LHPP: variants seen among roughly 807,000 people sequenced by gnomAD.
LHPP encodes the protein phospholysine phosphohistidine inorganic pyrophosphate phosphatase.
In LHPP, 24 loss-of-function variants were observed where a neutral mutation model predicts 30.3. That is an observed-to-expected ratio of 0.79 (90% confidence interval 0.57 to 1.11). The LOEUF (loss-of-function observed/expected upper bound fraction) is 1.11, where lower values mean the gene tolerates loss of function less well. Ranked by LOEUF, LHPP falls within the 50% of genes most tolerant of loss-of-function variation. The probability of loss-of-function intolerance (pLI) is 0.00; values close to 1 mark genes in which losing one functional copy is unlikely to be tolerated. For synonymous variants in LHPP, 150 were observed against 157.1 expected (o/e 0.95, Z 0.34); for missense variants, 356 against 367.2 (o/e 0.97, Z 0.25).
chr10:124,481,172 A>C (rs535470906), intron 1 of LHPP, among the ~76,000 whole-genome samples: 18 of 152,154 alleles, frequency 1.2e-4, no homozygotes, highest in African/African-American at 3.1e-4. Context: ...AATTGCGTAA[A>C]TCAGATGATT....
chr10:124,500,664 T>C (rs1421868527), intron 5 of LHPP, among the ~76,000 whole-genome samples: 1 of 151,714 alleles, frequency 6.6e-6, no homozygotes, highest in Non-Finnish European at 1.5e-5. Flanking sequence ...ATATCATCAT[T>C]CATCAGGAAA....
At chr10:124,501,387 A>C (rs984780085) in intron 5 of LHPP, among the ~76,000 whole-genome samples, 1 of 151,734 alleles carries the variant, frequency 6.6e-6, no homozygotes, top group African/African-American at 2.4e-5. Context: ...GAATCACTTG[A>C]GGTCAGGAGT....
intron 2 of LHPP, among the ~76,000 whole-genome samples, chr10:124,486,923 A>G (rs1289607238): frequency 6.6e-6 from 1 of 152,244 alleles, no homozygotes; most frequent in Non-Finnish European, 1.5e-5. Flanking sequence ...AGTCCTGAAG[A>G]CAGGCCTTTT....
intron 6 of LHPP, among the ~76,000 whole-genome samples, chr10:124,601,265 C>T (rs1344925891): frequency 5.3e-5 from 8 of 152,204 alleles, no homozygotes; most frequent in Admixed American, 5.2e-4. Flanking sequence ...GAAGCAGCTG[C>T]CGCGTCACAC....
intron 6 of LHPP, among the ~76,000 whole-genome samples, chr10:124,545,267 A>C (rs1165161952): frequency 6.6e-6 from 1 of 152,126 alleles, no homozygotes; most frequent in African/African-American, 2.4e-5. Flanking sequence ...CCTCGTCTGG[A>C]AAGTGGGGGT....
At chr10:124,560,687 G>A (rs77839645) in intron 6 of LHPP, among the ~76,000 whole-genome samples, 9,806 of 152,220 alleles carry the variant, frequency 0.064, 416 homozygotes, top group East Asian at 0.12. Context: ...GGGGACGAGG[G>A]GCTGGAGCCT....
rs920330959 is a variant in LHPP at position 124,590,274 on chromosome 10, A to G, written c.717-22990A>G. On this transcript the variant is annotated intron_variant, in intron 6 of 6. Coordinates refer to ENST00000368842, the MANE Select transcript of LHPP (RefSeq NM_022126.4). This position sits in a 1 kb window ranked among gnomAD's most constrained non-coding sequence, Gnocchi z 4.3. Reference sequence around the variant, plus strand: ...GGCTTTGGTTGAGGTCTGCAAAGGAAAGCACCCCCACTGCCAGGCTGCTCA... The same window carrying G: ...GGCTTTGGTTGAGGTCTGCAAAGGAGAGCACCCCCACTGCCAGGCTGCTCA... 6.6e-6 allele frequency among the ~76,000 whole-genome samples: 1 copy of G among 151,940 alleles called. No homozygotes were observed. The highest frequency in any genetic ancestry group is 2.4e-5 in the African/African-American group (1 of 41,358).
At chr10:124,487,282 C>CTCTGTA (rs1466386192) in intron 2 of LHPP, among the ~76,000 whole-genome samples, 33 of 152,088 alleles carry the variant, frequency 2.2e-4, no homozygotes, top group Admixed American at 9.2e-4. Context: ...AAAATTCTGC[C>CTCTGTA]AGACCTTTTT....
chr10:124,507,035 GA>G lies in LHPP; in HGVS notation c.624+8908del, dbSNP rs1279965950. On this transcript the variant is annotated intron_variant, in intron 5 of 6. Transcript: ENST00000368842. ...TCGGGGGGTAGACAGGATTTCAGGT[GA>G]GGGGGGTAGGGAGGATTTCAGGTGT... is the stretch of plus-strand genomic sequence containing the variant. Among the ~76,000 whole-genome samples the G allele has an allele frequency of 2.7e-3, 43 of 15,700 alleles. 5 individuals carry two copies. The highest frequency in any genetic ancestry group is 4.5e-3 in the Non-Finnish European group (33 of 7,302). 10.3% of individuals were successfully genotyped at this position (15,700 alleles called of 152,430 possible). A position where few individuals can be genotyped will look rare whatever the true frequency, so the allele number is the denominator to read the frequency against.
At chr10:124,516,410 C>T (rs560977627) in intron 5 of LHPP, among the ~76,000 whole-genome samples, 39 of 152,330 alleles carry the variant, frequency 2.6e-4, no homozygotes, top group African/African-American at 8.4e-4. Flanking sequence ...AGTCACGCTG[C>T]GGGCTAGTGA....
chr10:124,469,200 T>TG (rs1385562953), intron 1 of LHPP, among the ~76,000 whole-genome samples: 4 of 150,904 alleles, frequency 2.7e-5, no homozygotes, highest in South Asian at 2.1e-4. Flanking sequence ...TGGAGTGGGG[T>TG]GGGGGGTCTT....
intron 3 of LHPP, among the ~76,000 whole-genome samples, chr10:124,491,814 A>G (rs1953540362): frequency 6.6e-6 from 1 of 152,154 alleles, no homozygotes; most frequent in Non-Finnish European, 1.5e-5. Flanking sequence ...AGTCCCAGCT[A>G]CTCGGGAGGC....
intron 5 of LHPP, among the ~76,000 whole-genome samples, chr10:124,515,707 G>C (rs575758538): frequency 7.9e-5 from 12 of 152,204 alleles, no homozygotes; most frequent in Non-Finnish European, 1.5e-5. Flanking sequence ...GTTGCCCTGG[G>C]TGAATCATTC....
intron 6 of LHPP, among the ~76,000 whole-genome samples, chr10:124,575,720 G>A (rs1021540501): frequency 2.6e-5 from 4 of 152,056 alleles, no homozygotes; most frequent in Admixed American, 1.3e-4. Flanking sequence ...CAGCTTCCCT[G>A]GACCCACTGC....
chr10:124,577,147 G>C (rs1435208412), intron 6 of LHPP, among the ~76,000 whole-genome samples: 2 of 152,176 alleles, frequency 1.3e-5, no homozygotes, highest in Non-Finnish European at 2.9e-5. Flanking sequence ...GCTCAGGTGG[G>C]TCCGTGCTGG....
chr10:124,505,004 C>T (rs1421313818), intron 5 of LHPP, among the ~76,000 whole-genome samples: 1 of 152,050 alleles, frequency 6.6e-6, no homozygotes, highest in Non-Finnish European at 1.5e-5. Flanking sequence ...CCCTGGAGAG[C>T]GAAAGACTTG....
chr10:124,590,237 G>A lies in LHPP; in HGVS notation c.717-23027G>A, dbSNP rs527895310. On this transcript the variant is annotated intron_variant, in intron 6 of 6. Coordinates refer to ENST00000368842, the MANE Select transcript of LHPP (RefSeq NM_022126.4). The surrounding 1 kb of genome is among the most constrained non-coding windows in gnomAD (Gnocchi z 4.3). ...GTGAGCATTATTGGGGGTGGGGTGC[G>A]GAGCAGGCACTGGCTTTGGTTGAGG... Among the ~76,000 whole-genome samples, 3 of 152,194 alleles carry A rather than the reference G, an allele frequency of 2.0e-5. No individual in the cohort carries two copies. The highest frequency in any genetic ancestry group is 1.9e-4 in the East Asian group (1 of 5,176).
intron 6 of LHPP, among the ~76,000 whole-genome samples, chr10:124,527,969 G>C (rs370404953): frequency 6.6e-6 from 1 of 152,074 alleles, no homozygotes; most frequent in South Asian, 2.1e-4. Context: ...TTATAAAGAT[G>C]GAGTCTCCCT....
chr10:124,559,612 C>G (rs559545688), intron 6 of LHPP, among the ~76,000 whole-genome samples: 1 of 152,384 alleles, frequency 6.6e-6, no homozygotes, highest in East Asian at 1.9e-4. Flanking sequence ...TGCTGCAACA[C>G]TTGGAAATCC....
Sources: allele counts gnomAD v4.1 joint callset (sites outside exome capture counted in the v4.1 genomes callset), GRCh38; gene constraint gnomAD v4.1.1; non-coding constraint Gnocchi (gnomAD v3.1); transcripts MANE v1.5; gene names NCBI Gene and HGNC (gene_info 2026-07-23, HGNC 2026-07-21).